The following LRBA variants were observed in gnomAD, a reference collection of about 807,000 sequenced individuals.
The protein encoded by LRBA is lipopolysaccharide-responsive and beige-like anchor protein.
LRBA carries 176 observed loss-of-function variants against 330.0 expected under a neutral mutation model. The observed-to-expected ratio is 0.53, with a 90% CI of 0.47 to 0.60. LRBA has a LOEUF of 0.60. Ranked by LOEUF, LRBA falls within the 20% of genes least tolerant of loss-of-function variation. The pLI, the probability that LRBA is intolerant of heterozygous loss-of-function variation, is 0.00. For missense variants in LRBA, 3,259 were observed against 3,444.8 expected (o/e 0.95, Z 1.35); for synonymous variants, 1,230 against 1,193.0 (o/e 1.03, Z -0.64).
At chr4:150,997,764 C>G (rs547976969) in intron 2 of LRBA, among the ~76,000 whole-genome samples, 1 of 151,646 alleles carries the variant, frequency 6.6e-6, no homozygotes, top group Admixed American at 6.6e-5. Context: ...AGTGCAGTGG[C>G]GCAATCTTGG....
intron 38 of LRBA, 150 bp downstream of exon 38, chr4:150,598,857 T>C: frequency 1.3e-6 from 1 of 792,676 alleles, no homozygotes; most frequent in Non-Finnish European, 1.9e-6. Flanking sequence ...CTATAGTAAC[T>C]ATAAAAAAAT....
At chr4:150,979,946 G>C (rs148892322) in intron 2 of LRBA, among the ~76,000 whole-genome samples, 11 of 151,902 alleles carry the variant, frequency 7.2e-5, no homozygotes, top group Non-Finnish European at 1.5e-4. Flanking sequence ...AATAGGGGAG[G>C]GAATACTTCC....
chr4:150,771,534 G>T (rs1379273422), intron 34 of LRBA, among the ~76,000 whole-genome samples: 1 of 152,188 alleles, frequency 6.6e-6, no homozygotes, highest in Non-Finnish European at 1.5e-5. Context: ...CAGAAGTACG[G>T]CATGCAGGGA....
chr4:150,854,123 T>C (rs1159753866), intron 22 of LRBA, among the ~76,000 whole-genome samples: 2 of 152,192 alleles, frequency 1.3e-5, no homozygotes, highest in Non-Finnish European at 2.9e-5. Flanking sequence ...AACTCGCCTT[T>C]ACTCATGACA....
intron 53 of LRBA, among the ~76,000 whole-genome samples, chr4:150,296,085 T>C (rs1580931579): frequency 6.6e-6 from 1 of 152,344 alleles, no homozygotes; most frequent in Non-Finnish European, 1.5e-5. Context: ...TTTATGAATA[T>C]AAATTAAAAC....
intron 2 of LRBA, among the ~76,000 whole-genome samples, chr4:150,981,189 A>G (rs59514792): frequency 0.015 from 2,258 of 151,536 alleles, 62 homozygotes; most frequent in African/African-American, 0.052. Context: ...CGCGGTGGGC[A>G]GATCACAAGG....
chr4:150,763,483 C>T (rs1735370796), intron 34 of LRBA, among the ~76,000 whole-genome samples: 1 of 151,808 alleles, frequency 6.6e-6, no homozygotes, highest in Non-Finnish European at 1.5e-5. Flanking sequence ...CGAGGTAAAA[C>T]AAACCAATAT....
chr4:150,998,692 C>T (rs1171404480), intron 2 of LRBA, among the ~76,000 whole-genome samples: 3 of 152,120 alleles, frequency 2.0e-5, no homozygotes, highest in African/African-American at 7.2e-5. Flanking sequence ...TAAAACACCA[C>T]CTCCACACAT....
intron 40 of LRBA, among the ~76,000 whole-genome samples, chr4:150,501,839 A>C (rs371349561): frequency 2.0e-5 from 3 of 152,244 alleles, no homozygotes; most frequent in African/African-American, 7.2e-5. Context: ...TTGTTTTCAA[A>C]ATATTAAATA....
intron 36 of LRBA, among the ~76,000 whole-genome samples, chr4:150,694,202 C>T (rs940749448): frequency 7.9e-5 from 12 of 152,018 alleles, no homozygotes; most frequent in African/African-American, 2.9e-4. Flanking sequence ...CATTCCATGT[C>T]AGGACCTTCT....
intron 2 of LRBA, among the ~76,000 whole-genome samples, chr4:150,972,027 T>C (rs1245829670): frequency 1.3e-5 from 2 of 152,158 alleles, no homozygotes; most frequent in African/African-American, 4.8e-5. Context: ...GCACAATATA[T>C]TTATAGATTC....
At chr4:150,556,585 TACTTAAA>T (rs1157049057) in intron 40 of LRBA, among the ~76,000 whole-genome samples, 3 of 152,240 alleles carry the variant, frequency 2.0e-5, no homozygotes, top group Non-Finnish European at 4.4e-5. Context: ...CCAATCTCTT[TACTTAAA>T]AGCTCATTGA....
intron 2 of LRBA, among the ~76,000 whole-genome samples, chr4:150,951,360 ACAT>A (rs1736814215): frequency 1.3e-5 from 2 of 152,214 alleles, no homozygotes; most frequent in East Asian, 3.9e-4. Context: ...GTTAGACTCA[ACAT>A]CATCTTTTTA....
chr4:150,282,622 A>G lies in LRBA; in HGVS notation c.8144T>C (p.Met2715Thr). The change falls in exon 55 of 57, where the codon ATG (methionine) becomes ACG (threonine). Residue 2715 changes from methionine to threonine, a missense_variant. Physicochemically the swap from Met to Thr is moderately conservative, Grantham distance 81 (BLOSUM62 -1). Transcript: ENST00000651943. ...CAAGGTCCTCAACAAGTCTCCATTC[A>G]TGGAATGTATGAGACATGGTCCTTC... is the stretch of plus-strand genomic sequence containing the variant. ...SQEGPCLIHS[M>T]NGDLLRTLEG... The G allele has an allele frequency of 2.5e-6, 4 of 1,612,058 alleles. No individual in the cohort carries two copies. The highest frequency in any genetic ancestry group is 3.4e-6 in the Non-Finnish European group (4 of 1,178,802).
At chr4:150,565,128 T>C (rs1007607999) in intron 40 of LRBA, among the ~76,000 whole-genome samples, 3 of 151,980 alleles carry the variant, frequency 2.0e-5, no homozygotes, top group Admixed American at 1.3e-4. Flanking sequence ...AATGACAGAC[T>C]AGATGAAGAA....
At chr4:150,399,705 G>A (rs932495560) in intron 47 of LRBA, among the ~76,000 whole-genome samples, 7 of 152,156 alleles carry the variant, frequency 4.6e-5, no homozygotes, top group Admixed American at 2.6e-4. Flanking sequence ...TCTGGATGGC[G>A]TGGTGGCTTA....
chr4:150,603,547 T>G (rs1774328386), intron 37 of LRBA, among the ~76,000 whole-genome samples: 1 of 152,126 alleles, frequency 6.6e-6, no homozygotes, highest in Non-Finnish European at 1.5e-5. Context: ...AGTGGCAACA[T>G]GAGGGAACAG....
At chr4:150,639,945 C>G (rs1004972890) in intron 37 of LRBA, among the ~76,000 whole-genome samples, 2 of 145,272 alleles carry the variant, frequency 1.4e-5, no homozygotes, top group South Asian at 2.2e-4. Context: ...CAACCTCCCC[C>G]TCCCGGGTTC....
At chr4:150,354,838 C>A (rs1016588961) in intron 47 of LRBA, among the ~76,000 whole-genome samples, 2 of 151,704 alleles carry the variant, frequency 1.3e-5, no homozygotes, top group African/African-American at 4.8e-5. Flanking sequence ...GTTCTGCATA[C>A]AGAATATCAA....
Sources: gnomAD v4.1 joint callset for allele counts (sites outside exome capture counted in the v4.1 genomes callset) on GRCh38, gnomAD v4.1.1 for gene constraint, MANE v1.5 for transcripts, NCBI Gene and HGNC (gene_info 2026-07-23, HGNC 2026-07-21) for gene names.